The following CNTN6 variants were observed in gnomAD, a reference collection of about 807,000 sequenced individuals.
CNTN6 encodes the protein contactin-6.
CNTN6 carries 137 observed loss-of-function variants against 122.8 expected under a neutral mutation model. The observed-to-expected ratio is 1.12, with a 90% CI of 0.97 to 1.29. The LOEUF is 1.29. Ranked by LOEUF, CNTN6 falls within the 50% of genes most tolerant of loss-of-function variation. The pLI, the probability that CNTN6 is intolerant of heterozygous loss-of-function variation, is 0.00. For missense variants in CNTN6, 1,634 were observed against 1,223.4 expected, an observed-to-expected ratio of 1.34 and a Z score of -5.01; for synonymous variants, 570 against 426.0, an observed-to-expected ratio of 1.34 and a Z score of -4.16.
chr3:1,141,714 G>T (rs1191222430), intron 1 of CNTN6, among the ~76,000 whole-genome samples: 2 of 152,116 alleles, frequency 1.3e-5, no homozygotes, highest in South Asian at 2.1e-4. Context: ...TGTATTTATA[G>T]AAATTAAAAA....
At chr3:1,326,027 A>G (rs908129884) in intron 9 of CNTN6, 76 bp downstream of exon 9, 1 of 1,282,530 alleles carries the variant, frequency 7.8e-7, no homozygotes, top group African/African-American at 1.5e-5. Flanking sequence ...CTAGTAACTA[A>G]CAGAAACAGC....
chr3:1,275,381 G>A (rs993714912), intron 4 of CNTN6, among the ~76,000 whole-genome samples: 4 of 151,988 alleles, frequency 2.6e-5, no homozygotes, highest in African/African-American at 9.7e-5. Context: ...ACTTTTCTTG[G>A]CAAGATCACA....
intron 2 of CNTN6, among the ~76,000 whole-genome samples, chr3:1,216,843 A>G (rs372481064): frequency 2.0e-5 from 3 of 152,336 alleles, no homozygotes; most frequent in East Asian, 3.9e-4. Context: ...TGGATGGTGA[A>G]AACAATGGAG....
Position 1,369,190 on chromosome 3 carries a change from C to T in CNTN6, c.1493-3109C>T, listed in dbSNP as rs555862370. Among the ~76,000 whole-genome samples the T allele has an allele frequency of 1.1e-3, 160 of 152,288 alleles. 2 individuals are homozygous for T. The highest frequency in any genetic ancestry group is 3.6e-3 in the African/African-American group (149 of 41,562). On this transcript the variant is annotated intron_variant, in intron 12 of 22. Coordinates refer to ENST00000446702, the MANE Select transcript of CNTN6 (RefSeq NM_001289080.2). The stretch of plus-strand genomic sequence containing the variant: ...CTACTACTTGCCTTTTACTTCTCAG[C>T]GAAAACAGTTCTTTCTCCATAAACT...
chr3:1,324,004 G>C (rs1439078892), intron 8 of CNTN6, among the ~76,000 whole-genome samples: 2 of 146,554 alleles, frequency 1.4e-5, no homozygotes, highest in Non-Finnish European at 2.9e-5. Context: ...TCCCAGGTCA[G>C]ACATATATTA....
intron 7 of CNTN6, among the ~76,000 whole-genome samples, chr3:1,319,833 G>GAAAAT (rs61076777): frequency 0.26 from 35,778 of 135,870 alleles, 5,458 homozygotes; most frequent in Non-Finnish European, 0.32. Context: ...ACAGAGAGCA[G>GAAAAT]AAAATAAAAT....
intron 12 of CNTN6, among the ~76,000 whole-genome samples, chr3:1,370,699 T>C (rs1006946418): frequency 2.0e-5 from 3 of 151,800 alleles, no homozygotes; most frequent in African/African-American, 7.3e-5. Flanking sequence ...AATACAAAAA[T>C]TTACCTGGCA....
chr3:1,184,410 A>G (rs2093601689), intron 2 of CNTN6, among the ~76,000 whole-genome samples: 2 of 152,166 alleles, frequency 1.3e-5, no homozygotes, highest in African/African-American at 2.4e-5. Flanking sequence ...TAGGATGGGC[A>G]GTTTCATTAT....
chr3:1,214,950 G>T (rs1023180522), intron 2 of CNTN6, among the ~76,000 whole-genome samples: 6 of 152,032 alleles, frequency 3.9e-5, no homozygotes, highest in Non-Finnish European at 1.5e-5. Context: ...TAGAGACAGG[G>T]TCTCCCTATA....
rs779977099 is a variant in CNTN6, at chr3:1,272,558, T to C, written c.359-5855T>C. On this transcript the variant is annotated intron_variant, in intron 4 of 22. Coordinates refer to ENST00000446702, the MANE Select transcript of CNTN6 (RefSeq NM_001289080.2). Reference sequence around the variant, plus strand: ...AAAAATATATATCATTATTCAGATTTTTAACAACTCAGCTGAGTGTACTAT... The same window carrying C: ...AAAAATATATATCATTATTCAGATTCTTAACAACTCAGCTGAGTGTACTAT... Among the ~76,000 whole-genome samples, 170 of 152,248 alleles carry C rather than the reference T, an allele frequency of 1.1e-3. 1 individual carries two copies. Among genetic ancestry groups the C allele is most frequent in the Non-Finnish European group, 1.8e-3 (121 of 68,044 alleles).
At chr3:1,314,993 AG>A (rs1269203684) in intron 7 of CNTN6, among the ~76,000 whole-genome samples, 1 of 151,986 alleles carries the variant, frequency 6.6e-6, no homozygotes, top group Non-Finnish European at 1.5e-5. Context: ...TTTGCATCCA[AG>A]CTCAATTTTT....
intron 5 of CNTN6, among the ~76,000 whole-genome samples, chr3:1,280,831 T>C (rs915278104): frequency 6.6e-6 from 1 of 152,110 alleles, no homozygotes; most frequent in African/African-American, 2.4e-5. Context: ...GGCTGAATCA[T>C]GTTTCTTGCT....
At chr3:1,398,048 A>C (rs1209861521) in intron 20 of CNTN6, among the ~76,000 whole-genome samples, 4 of 152,108 alleles carry the variant, frequency 2.6e-5, no homozygotes, top group South Asian at 2.1e-4. Context: ...AGTCTTTGGA[A>C]ATTGCCTGGA....
intron 4 of CNTN6, among the ~76,000 whole-genome samples, chr3:1,244,754 T>C (rs987272992): frequency 6.6e-6 from 1 of 151,946 alleles, no homozygotes; most frequent in Non-Finnish European, 1.5e-5. Context: ...GGGGCTGTTT[T>C]ATAGGATTTG....
At chr3:1,105,135 C>A (rs551142807) in intron 1 of CNTN6, among the ~76,000 whole-genome samples, 3 of 152,214 alleles carry the variant, frequency 2.0e-5, no homozygotes, top group African/African-American at 7.2e-5. Flanking sequence ...TCTGTACTTG[C>A]AGGCAGGTGA....
chr3:1,360,618 T>C (rs1707318871), intron 12 of CNTN6, among the ~76,000 whole-genome samples: 1 of 151,920 alleles, frequency 6.6e-6, no homozygotes, highest in Non-Finnish European at 1.5e-5. Context: ...TTTCTTTTTT[T>C]CTCTCTTAGT....
chr3:1,096,956 A>T (rs926889362), intron 1 of CNTN6, among the ~76,000 whole-genome samples: 1 of 152,196 alleles, frequency 6.6e-6, no homozygotes, highest in African/African-American at 2.4e-5. Context: ...ACAATAGAGG[A>T]CATTTAAAAA....
At chr3:1,124,545 A>G (rs10446434) in intron 1 of CNTN6, among the ~76,000 whole-genome samples, 84,504 of 151,484 alleles carry the variant, frequency 0.56, 23,986 homozygotes, top group African/African-American at 0.65. Flanking sequence ...GTTGGGGGAG[A>G]TTGGGAGGGA....
intron 11 of CNTN6, among the ~76,000 whole-genome samples, chr3:1,348,110 C>T (rs545273370): frequency 2.2e-5 from 3 of 134,568 alleles, no homozygotes; most frequent in Admixed American, 1.6e-4. Context: ...TCAATTAATC[C>T]TCATGACTCT....
Sources: gnomAD v4.1 joint callset for allele counts (sites outside exome capture counted in the v4.1 genomes callset) on GRCh38, gnomAD v4.1.1 for gene constraint, MANE v1.5 for transcripts, NCBI Gene and HGNC (gene_info 2026-07-23, HGNC 2026-07-21) for gene names.